The following SNCAIP variants were observed in gnomAD, a reference collection of about 807,000 sequenced individuals.
SNCAIP encodes the protein synuclein alpha interacting protein, also known as synphilin-1.
In SNCAIP, 43 loss-of-function variants were observed where a neutral mutation model predicts 86.7. The ratio of observed to expected loss-of-function variants is 0.50; its 90% confidence interval spans 0.39 to 0.64. SNCAIP has a LOEUF of 0.64. Ranked by LOEUF, SNCAIP falls within the 30% of genes least tolerant of loss-of-function variation. The pLI is 0.00. For synonymous variants in SNCAIP, 417 were observed against 427.2 expected (o/e 0.98, Z 0.29); for missense variants, 981 against 1,103.1 (o/e 0.89, Z 1.57).
intron 3 of SNCAIP, among the ~76,000 whole-genome samples, chr5:122,409,514 G>T (rs564295590): frequency 6.6e-6 from 1 of 152,182 alleles, no homozygotes; most frequent in Non-Finnish European, 1.5e-5. Context: ...CCTGTAATGT[G>T]TCTGAGAATG....
intron 3 of SNCAIP, among the ~76,000 whole-genome samples, chr5:122,419,370 G>A (rs1216134264): frequency 6.6e-6 from 1 of 152,188 alleles, no homozygotes; most frequent in African/African-American, 2.4e-5. Context: ...AAGCTAAGTG[G>A]CATTCCAAGT....
At chr5:122,359,353 A>ATTTATTTAT (rs1761754873) in intron 1 of SNCAIP, among the ~76,000 whole-genome samples, 1 of 97,188 alleles carries the variant, frequency 1.0e-5, no homozygotes. Context: ...TTTTATTTTT[A>ATTTATTTAT]TTTATTTATT....
intron 1 of SNCAIP, among the ~76,000 whole-genome samples, chr5:122,352,899 C>A (rs1181611276): frequency 6.6e-6 from 1 of 152,162 alleles, no homozygotes; most frequent in Non-Finnish European, 1.5e-5. Context: ...CTCTGGTGAA[C>A]TTTACCTAGA....
intron 1 of SNCAIP, among the ~76,000 whole-genome samples, chr5:122,342,248 A>G (rs1421992788): frequency 1.3e-5 from 2 of 152,056 alleles, no homozygotes; most frequent in Admixed American, 6.6e-5. Context: ...CTTAGGTCAA[A>G]GCATAGAAAC....
At chr5:122,335,330 C>T (rs1756223060) in intron 1 of SNCAIP, among the ~76,000 whole-genome samples, 1 of 152,172 alleles carries the variant, frequency 6.6e-6, no homozygotes, top group African/African-American at 2.4e-5. Context: ...CTGTTAACCA[C>T]TTGATTCACA....
At chr5:122,461,358 C>G (rs547893014) in intron 10 of SNCAIP, among the ~76,000 whole-genome samples, 2 of 152,272 alleles carry the variant, frequency 1.3e-5, no homozygotes, top group Non-Finnish European at 2.9e-5. Flanking sequence ...CTTTTTCAAT[C>G]TGGAACCCTC....
chr5:122,386,288 C>T (rs952739409), intron 1 of SNCAIP, among the ~76,000 whole-genome samples: 5 of 152,086 alleles, frequency 3.3e-5, no homozygotes, highest in African/African-American at 1.2e-4. Context: ...AATTGCTTGT[C>T]TATTTTTTTA....
In SNCAIP at chr5:122,425,494, A is replaced by G; in HGVS notation, c.1145A>G (p.Asn382Ser). The G allele has an allele frequency of 6.2e-7, 1 of 1,614,164 alleles. No individual in the cohort carries two copies. Among genetic ancestry groups the G allele is most frequent in the African/African-American group, 1.3e-5 (1 of 75,054 alleles). Residue 382 changes from asparagine (N) to serine (S), a missense_variant, in exon 5 of 11, where the codon AAC (asparagine) becomes AGC (serine). Transcript: ENST00000261368. Reference sequence around the variant, plus strand: ...GGAGAAGACTGCCTCAATGAGCGCAACACTGAGAAGTTGACTCCAGCAGGC... The same window carrying G: ...GGAGAAGACTGCCTCAATGAGCGCAGCACTGAGAAGTTGACTCCAGCAGGC... ...LMGEDCLNER[N>S]TEKLTPAGLA... is the part of the protein sequence containing the mutation.
At chr5:122,362,263 C>T (rs1323213451) in intron 1 of SNCAIP, among the ~76,000 whole-genome samples, 1 of 152,124 alleles carries the variant, frequency 6.6e-6, no homozygotes, top group Non-Finnish European at 1.5e-5. Flanking sequence ...GAGTCCCCAC[C>T]TCTTAAAATC....
chr5:122,360,875 G>T (rs1371196812), intron 1 of SNCAIP, among the ~76,000 whole-genome samples: 2 of 151,774 alleles, frequency 1.3e-5, no homozygotes, highest in Non-Finnish European at 2.9e-5. Flanking sequence ...TATACCAGAG[G>T]TCCTCATTAT....
At chr5:122,352,961 G>A (rs1760177993) in intron 1 of SNCAIP, among the ~76,000 whole-genome samples, 1 of 152,196 alleles carries the variant, frequency 6.6e-6, no homozygotes, top group African/African-American at 2.4e-5. Flanking sequence ...AGTGGATACA[G>A]AACCCTTCTA....
intron 1 of SNCAIP, among the ~76,000 whole-genome samples, chr5:122,360,426 A>G (rs1434523543): frequency 1.3e-5 from 2 of 152,204 alleles, no homozygotes; most frequent in Admixed American, 1.3e-4. Context: ...TGTATTAGCA[A>G]CTGAACTGAA....
chr5:122,313,343 G>T (rs1305433134), intron 1 of SNCAIP, among the ~76,000 whole-genome samples: 1 of 152,242 alleles, frequency 6.6e-6, no homozygotes, highest in African/African-American at 2.4e-5. Flanking sequence ...CACACACCAC[G>T]TGCCGTGGAG....
rs542663109 is a variant in SNCAIP at position 122,314,970 on chromosome 5, A to T, written c.-47+2686A>T. Among the ~76,000 whole-genome samples, 3 of 152,372 alleles carry T rather than the reference A, an allele frequency of 2.0e-5. No homozygotes were observed. In the South Asian group the frequency reaches 6.2e-4, roughly 32 times the overall value. On this transcript the variant is annotated intron_variant, in intron 1 of 10. Coordinates refer to ENST00000261368, the MANE Select transcript of SNCAIP (RefSeq NM_005460.4). The stretch of plus-strand genomic sequence containing the variant: ...AAAATTAAATGATACTAAACATCGA[A>T]GAACACATTTCATAATTGAGTGCCT...
chr5:122,316,341 G>A (rs1053113110), intron 1 of SNCAIP, among the ~76,000 whole-genome samples: 5 of 152,116 alleles, frequency 3.3e-5, no homozygotes, highest in African/African-American at 1.2e-4. Flanking sequence ...AATTTGAGTG[G>A]CATCCACACT....
intron 1 of SNCAIP, among the ~76,000 whole-genome samples, chr5:122,377,129 C>T (rs955167861): frequency 2.0e-5 from 3 of 152,136 alleles, no homozygotes; most frequent in African/African-American, 4.8e-5. Context: ...CTTTTACTTG[C>T]GAGATCTTTA....
At chr5:122,440,295 T>A (rs1780551076) in intron 6 of SNCAIP, among the ~76,000 whole-genome samples, 1 of 152,230 alleles carries the variant, frequency 6.6e-6, no homozygotes, top group Non-Finnish European at 1.5e-5. Context: ...AGACATGGAT[T>A]CTAGTTCCAA....
intron 10 of SNCAIP, among the ~76,000 whole-genome samples, chr5:122,461,979 T>G (rs1156373262): frequency 6.6e-6 from 1 of 152,204 alleles, no homozygotes; most frequent in Non-Finnish European, 1.5e-5. Context: ...TTTATAGAGT[T>G]TTATGTGCAA....
intron 1 of SNCAIP, among the ~76,000 whole-genome samples, chr5:122,386,618 A>G (rs1768184369): frequency 6.6e-6 from 1 of 152,114 alleles, no homozygotes; most frequent in African/African-American, 2.4e-5. Flanking sequence ...GCACATCCAA[A>G]GAAGGGAGCC....
Sources: gnomAD v4.1 joint callset for allele counts (sites outside exome capture counted in the v4.1 genomes callset) on GRCh38, gnomAD v4.1.1 for gene constraint, MANE v1.5 for transcripts, NCBI Gene and HGNC (gene_info 2026-07-23, HGNC 2026-07-21) for gene names.